SEMA3C: variants seen among roughly 807,000 people sequenced by gnomAD.
SEMA3C encodes the protein semaphorin-3C.
In SEMA3C, 47 loss-of-function variants were observed where a neutral mutation model predicts 89.4. The observed-to-expected ratio is 0.53, with a 90% confidence interval of 0.42 to 0.67. The LOEUF is 0.67. SEMA3C is among the 30% of genes least tolerant of loss of function. The probability of loss-of-function intolerance (pLI) is 0.00; values close to 1 mark genes in which losing one functional copy is unlikely to be tolerated. For missense variants in SEMA3C, 839 were observed against 929.1 expected, an observed-to-expected ratio of 0.90 and a Z score of 1.26; for synonymous variants, 310 against 320.2, an observed-to-expected ratio of 0.97 and a Z score of 0.34.
intron 2 of SEMA3C, among the ~76,000 whole-genome samples, chr7:80,878,803 T>C (rs1791261714): frequency 6.6e-6 from 1 of 152,016 alleles, no homozygotes; most frequent in African/African-American, 2.4e-5. Context: ...AGTGATGAGA[T>C]TGCCCAGAAT....
intron 5 of SEMA3C, among the ~76,000 whole-genome samples, chr7:80,812,961 ATTTTT>A (rs1215661147): frequency 4.3e-5 from 4 of 92,502 alleles, no homozygotes; most frequent in African/African-American, 1.7e-4. Context: ...TATTTTTTGT[ATTTTT>A]TTTTTTTTTT....
chr7:80,771,968 A>G lies in SEMA3C; in HGVS notation c.1355-6725T>C, dbSNP rs371951021. On this transcript the variant is annotated intron_variant, in intron 12 of 17. Transcript: ENST00000265361. ...AAATGATTAGTTCTAGTATTAATTT[A>G]AAGTACTATTATAAAAGATAAAATC... is the stretch of plus-strand genomic sequence containing the variant. Among the ~76,000 whole-genome samples the G allele has an allele frequency of 3.9e-5, 6 of 152,204 alleles. No individual in the cohort carries two copies. In the East Asian group the frequency reaches 7.7e-4, roughly 20 times the overall value.
chr7:80,896,533 AAT>A (rs1466488853), intron 2 of SEMA3C, among the ~76,000 whole-genome samples: 1 of 152,236 alleles, frequency 6.6e-6, no homozygotes, highest in Non-Finnish European at 1.5e-5. Flanking sequence ...GAGATAATTA[AAT>A]ATATGAGATA....
chr7:80,811,145 A>G (rs975808290), intron 5 of SEMA3C, among the ~76,000 whole-genome samples: 3 of 152,196 alleles, frequency 2.0e-5, no homozygotes, highest in Non-Finnish European at 2.9e-5. Context: ...TTTATCATAT[A>G]AAGCATTGTA....
At chr7:80,913,737 T>C (rs543251142) in intron 2 of SEMA3C, among the ~76,000 whole-genome samples, 11 of 152,308 alleles carry the variant, frequency 7.2e-5, no homozygotes, top group Non-Finnish European at 1.0e-4. Context: ...ACATCTGAAG[T>C]ACATTCTCCC....
intron 4 of SEMA3C, among the ~76,000 whole-genome samples, chr7:80,820,844 C>A (rs952657455): frequency 1.3e-5 from 2 of 152,014 alleles, no homozygotes; most frequent in African/African-American, 2.4e-5. Context: ...TTTTCACATT[C>A]AAGTTTAGTC....
chr7:80,750,821 A>T (rs79578636), intron 16 of SEMA3C, among the ~76,000 whole-genome samples: 4,512 of 152,054 alleles, frequency 0.03, 230 homozygotes, highest in East Asian at 0.23. Flanking sequence ...GACTGGCAGT[A>T]TGTTGCACAA....
intron 2 of SEMA3C, among the ~76,000 whole-genome samples, chr7:80,901,405 C>A (rs1349366645): frequency 6.6e-6 from 1 of 152,164 alleles, no homozygotes; most frequent in African/African-American, 2.4e-5. Context: ...TTTTGACACA[C>A]AGAGAGTTGT....
At chr7:80,779,388 T>C (rs1483633736) in intron 12 of SEMA3C, among the ~76,000 whole-genome samples, 1 of 152,206 alleles carries the variant, frequency 6.6e-6, no homozygotes, top group African/African-American at 2.4e-5. Context: ...GCTGATTCTC[T>C]CTTACCTTGA....
intron 2 of SEMA3C, among the ~76,000 whole-genome samples, chr7:80,896,929 C>T (rs1791751842): frequency 2.0e-5 from 3 of 152,080 alleles, no homozygotes; most frequent in Non-Finnish European, 1.5e-5. Context: ...CCTGATGCTC[C>T]GTCTCGTGTT....
intron 12 of SEMA3C, among the ~76,000 whole-genome samples, chr7:80,771,931 T>G (rs1788443774): frequency 6.6e-6 from 1 of 152,182 alleles, no homozygotes; most frequent in Admixed American, 6.6e-5. Flanking sequence ...ATATTAGGGG[T>G]AAATTACTGC....
intron 15 of SEMA3C, among the ~76,000 whole-genome samples, chr7:80,756,749 A>G (rs539375276): frequency 3.0e-4 from 45 of 152,242 alleles, no homozygotes; most frequent in African/African-American, 1.0e-3. Flanking sequence ...ATTCTGCTAG[A>G]TAACGTCTTG....
chr7:80,893,004 T>C (rs1455784574), intron 2 of SEMA3C, among the ~76,000 whole-genome samples: 5 of 152,218 alleles, frequency 3.3e-5, no homozygotes, highest in Non-Finnish European at 5.9e-5. Flanking sequence ...CAACCTAAAG[T>C]TGTGCTTCAA....
intron 5 of SEMA3C, among the ~76,000 whole-genome samples, chr7:80,816,537 C>T (rs917032198): frequency 6.6e-5 from 10 of 152,044 alleles, no homozygotes; most frequent in African/African-American, 2.4e-4. Context: ...AAAACAAATC[C>T]ATTGTAAGAT....
intron 2 of SEMA3C, among the ~76,000 whole-genome samples, chr7:80,882,208 T>C (rs1583975532): frequency 6.6e-6 from 1 of 152,122 alleles, no homozygotes; most frequent in East Asian, 1.9e-4. Context: ...ACTGTGTGGA[T>C]CAGACCACTA....
chr7:80,918,473 A>C (rs1191143031), intron 1 of SEMA3C: 2 of 152,202 alleles, frequency 1.3e-5, no homozygotes, highest in East Asian at 1.9e-4. Context: ...CCTCCCCAAC[A>C]GTATCTTACA....
chr7:80,829,402 A>T (rs1037917701), intron 2 of SEMA3C, among the ~76,000 whole-genome samples: 2 of 152,280 alleles, frequency 1.3e-5, no homozygotes, highest in South Asian at 2.1e-4. Flanking sequence ...AACCAACAGC[A>T]GTGTGATTGT....
At chr7:80,812,739 T>A (rs898837098) in intron 5 of SEMA3C, among the ~76,000 whole-genome samples, 3 of 152,010 alleles carry the variant, frequency 2.0e-5, no homozygotes, top group African/African-American at 7.2e-5. Context: ...CCCCAGTTCG[T>A]TAGGCTTTTC....
intron 12 of SEMA3C, among the ~76,000 whole-genome samples, chr7:80,770,470 C>A (rs112982957): frequency 1.3e-5 from 2 of 152,298 alleles, no homozygotes; most frequent in East Asian, 1.9e-4. Flanking sequence ...ATGGTTACAG[C>A]GAAGCTGTCA....
Sources: allele counts gnomAD v4.1 joint callset (sites outside exome capture counted in the v4.1 genomes callset), GRCh38; gene constraint gnomAD v4.1.1; transcripts MANE v1.5; gene names NCBI Gene and HGNC (gene_info 2026-07-23, HGNC 2026-07-21).